Variants in LGR4 observed in about 807,000 individuals in gnomAD.
LGR4 encodes leucine-rich repeat-containing G protein-coupled receptor 4.
LGR4 carries 44 observed loss-of-function variants against 84.8 expected under a neutral mutation model. That is an observed-to-expected ratio of 0.52 (90% CI 0.41 to 0.67). The LOEUF (loss-of-function observed/expected upper bound fraction) is 0.67, where lower values mean the gene tolerates loss of function less well. LGR4 is among the 30% of genes least tolerant of loss of function. The pLI is 0.00. For missense variants in LGR4, 1,032 were observed against 1,131.4 expected, an observed-to-expected ratio of 0.91 and a Z score of 1.26; for synonymous variants, 429 against 434.3, an observed-to-expected ratio of 0.99 and a Z score of 0.15.
chr11:27,437,383 T>C (rs971141007), intron 1 of LGR4, among the ~76,000 whole-genome samples: 14 of 152,180 alleles, frequency 9.2e-5, no homozygotes, highest in Non-Finnish European at 1.6e-4. Flanking sequence ...TACTATTTTC[T>C]AGTGTTGAGA....
chr11:27,432,114 C>T (rs1254980688), intron 1 of LGR4, among the ~76,000 whole-genome samples: 1 of 152,120 alleles, frequency 6.6e-6, no homozygotes, highest in Non-Finnish European at 1.5e-5. Context: ...CAGAGCATTG[C>T]CACTCACTCC....
chr11:27,398,700 A>G (rs1430784044), intron 2 of LGR4, among the ~76,000 whole-genome samples: 1 of 152,132 alleles, frequency 6.6e-6, no homozygotes, highest in Non-Finnish European at 1.5e-5. Flanking sequence ...GAGGTTGAAG[A>G]CTAGATAATA....
intron 6 of LGR4, among the ~76,000 whole-genome samples, chr11:27,383,619 A>ATTTTATTTT (rs1266713494): frequency 6.9e-4 from 105 of 152,330 alleles, no homozygotes; most frequent in Non-Finnish European, 1.4e-3. Flanking sequence ...GTCAAATAAA[A>ATTTTATTTT]TACTACATAC....
intron 17 of LGR4, among the ~76,000 whole-genome samples, chr11:27,370,635 G>A (rs1283894546): frequency 6.6e-6 from 1 of 152,178 alleles, no homozygotes; most frequent in Non-Finnish European, 1.5e-5. Flanking sequence ...CCAAGGAGAT[G>A]AGCTCAGACC....
At chr11:27,380,109 C>G (rs1863061529) in intron 10 of LGR4, among the ~76,000 whole-genome samples, 162 bp downstream of exon 10, 1 of 152,210 alleles carries the variant, frequency 6.6e-6, no homozygotes, top group Admixed American at 6.5e-5. Flanking sequence ...CCTAAGCTCA[C>G]TGACCCCATA....
intron 1 of LGR4, among the ~76,000 whole-genome samples, chr11:27,465,408 A>G (rs1328274610): frequency 6.6e-6 from 1 of 152,232 alleles, no homozygotes. Flanking sequence ...AATGGTATGA[A>G]AAACATGTTT....
intron 1 of LGR4, among the ~76,000 whole-genome samples, chr11:27,447,416 AC>A (rs1168487249): frequency 6.6e-6 from 1 of 152,134 alleles, no homozygotes; most frequent in Middle Eastern, 3.2e-3. Flanking sequence ...GGAACCTCCC[AC>A]CAGTGCCATG....
At chr11:27,382,062 G>C in intron 7 of LGR4, 126 bp downstream of exon 7, 1 of 647,076 alleles carries the variant, frequency 1.5e-6, no homozygotes. Flanking sequence ...ATGATTATTT[G>C]TGTGTTTGTG....
At position 27,367,617 on chromosome 11, in the gene LGR4, C is replaced by A; in HGVS notation, c.*250G>T. 2.8e-6 allele frequency: 1 copy of A among 355,446 alleles called. No individual in the cohort carries two copies. Among genetic ancestry groups the A allele is most frequent in the South Asian group, 7.9e-5 (1 of 12,636 alleles). The allele number at this position is 355,446 out of a possible 1,614,324, so 22.0% of individuals were successfully genotyped here. A position where few individuals can be genotyped will look rare whatever the true frequency, so the allele number is the denominator to read the frequency against. On this transcript the variant is annotated 3_prime_UTR_variant, in exon 18 of 18. Transcript: ENST00000379214. ...TATATTGCTCTACTACACCTAAGAT[C>A]CTTTTCAAGTCATATATTTGTTTCA...
chr11:27,416,950 A>C (rs79666373), intron 1 of LGR4, among the ~76,000 whole-genome samples: 1 of 152,270 alleles, frequency 6.6e-6, no homozygotes, highest in Non-Finnish European at 1.5e-5. Context: ...AGATCCCTGT[A>C]AAATGATCCC....
chr11:27,380,290 T>C lies in LGR4; in HGVS notation c.952A>G (p.Thr318Ala), dbSNP rs761102295. Residue 318 changes from threonine (T) to alanine (A), a missense_variant, in exon 10 of 18, where the codon ACT becomes GCT. Coordinates refer to ENST00000379214, the MANE Select transcript of LGR4 (RefSeq NM_018490.5). ...ACTTACAGACTTTCCAGGTGGACAG[T>C]TCCTGTAAGATTGGGGAACTGCTGC... is the stretch of plus-strand genomic sequence containing the variant. ...MVQQFPNLTG[T>A]VHLESLTLTG... 13 of 1,610,568 alleles carry C rather than the reference T, an allele frequency of 8.1e-6. No individual in the cohort carries two copies. In the South Asian group the frequency reaches 1.3e-4, roughly 16 times the overall value.
chr11:27,373,828 AAG>A, intron 14 of LGR4, 145 bp downstream of exon 14: 1 of 997,156 alleles, frequency 1.0e-6, no homozygotes, highest in South Asian at 1.6e-5. Context: ...CTTGCCGTTT[AAG>A]AAGACTTTTA....
chr11:27,432,045 C>T (rs1864125845), intron 1 of LGR4, among the ~76,000 whole-genome samples: 1 of 152,194 alleles, frequency 6.6e-6, no homozygotes, highest in Non-Finnish European at 1.5e-5. Context: ...TTATTATCCC[C>T]AGCAGGATGG....
intron 2 of LGR4, among the ~76,000 whole-genome samples, chr11:27,407,067 A>T (rs1302676166): frequency 6.6e-6 from 1 of 152,184 alleles, no homozygotes; most frequent in East Asian, 1.9e-4. Context: ...GTAAGGTCTA[A>T]TTCTGGCTTA....
At chr11:27,389,813 T>C (rs2133376885) in intron 4 of LGR4, among the ~76,000 whole-genome samples, 1 of 152,278 alleles carries the variant, frequency 6.6e-6, no homozygotes, top group East Asian at 1.9e-4. Context: ...GTCAGCCGAA[T>C]AACATTTCTA....
At chr11:27,382,704 C>T (rs571444476) in intron 6 of LGR4, among the ~76,000 whole-genome samples, 15 of 152,222 alleles carry the variant, frequency 9.9e-5, no homozygotes, top group African/African-American at 2.4e-4. Flanking sequence ...CCACCATCAG[C>T]GTGATGACCT....
chr11:27,441,312 C>A (rs1256846683), intron 1 of LGR4, among the ~76,000 whole-genome samples: 1 of 151,534 alleles, frequency 6.6e-6, no homozygotes, highest in Non-Finnish European at 1.5e-5. Flanking sequence ...TAAACCATTA[C>A]ATCTAAGCAG....
chr11:27,431,775 C>T (rs1263752766), intron 1 of LGR4, among the ~76,000 whole-genome samples: 1 of 152,198 alleles, frequency 6.6e-6, no homozygotes, highest in Non-Finnish European at 1.5e-5. Flanking sequence ...AATATTATTT[C>T]AGTCTCAGGC....
chr11:27,391,267 A>G, intron 3 of LGR4, 102 bp from the exon 4 acceptor site: 1 of 589,550 alleles, frequency 1.7e-6, no homozygotes, highest in Non-Finnish European at 3.0e-6. Context: ...AATATTTCCA[A>G]TGGGAAAATG....
Sources: allele counts gnomAD v4.1 joint callset (sites outside exome capture counted in the v4.1 genomes callset), GRCh38; gene constraint gnomAD v4.1.1; transcripts MANE v1.5; gene names NCBI Gene and HGNC (gene_info 2026-07-23, HGNC 2026-07-21).